RALYL: variants seen among roughly 807,000 people sequenced by gnomAD.
RALYL encodes the protein RALY RNA binding protein like, also known as RNA-binding Raly-like protein.
A neutral mutation model predicts 35.1 loss-of-function variants in RALYL; 29 were observed. That is an observed-to-expected ratio of 0.83 (90% CI 0.61 to 1.13). The LOEUF (loss-of-function observed/expected upper bound fraction) is 1.13, where lower values mean the gene tolerates loss of function less well. Ranked by LOEUF, RALYL falls within the 50% of genes most tolerant of loss-of-function variation. RALYL has a pLI of 0.00. For synonymous variants in RALYL, 120 were observed against 127.6 expected, an observed-to-expected ratio of 0.94 and a Z score of 0.40; for missense variants, 359 against 360.4, an observed-to-expected ratio of 1.00 and a Z score of 0.03.
At chr8:84,891,217 G>A (rs937175757) in intron 8 of RALYL, among the ~76,000 whole-genome samples, 15 of 152,154 alleles carry the variant, frequency 9.9e-5, no homozygotes, top group Admixed American at 6.6e-5. Flanking sequence ...AATATTGGAT[G>A]AGAGGGTGAA....
intron 2 of RALYL, among the ~76,000 whole-genome samples, chr8:84,748,795 CATG>C (rs1408343690): frequency 1.5e-4 from 23 of 152,118 alleles, no homozygotes; most frequent in African/African-American, 5.5e-4. Flanking sequence ...TTTACCAACA[CATG>C]ATGTTACTAT....
chr8:84,253,744 C>T (rs1321159337), intron 1 of RALYL, among the ~76,000 whole-genome samples: 3 of 152,048 alleles, frequency 2.0e-5, no homozygotes, highest in Admixed American at 2.0e-4. Flanking sequence ...TCTCAGTTAC[C>T]TCTGTCTGTC....
chr8:84,448,017 T>A (rs2133117544), intron 1 of RALYL, among the ~76,000 whole-genome samples: 1 of 152,116 alleles, frequency 6.6e-6, no homozygotes, highest in South Asian at 2.1e-4. Flanking sequence ...GAGCACTGCC[T>A]GGTAATCTTT....
intron 2 of RALYL, among the ~76,000 whole-genome samples, chr8:84,705,648 C>T (rs1164296579): frequency 2.6e-5 from 4 of 152,076 alleles, no homozygotes; most frequent in South Asian, 2.1e-4. Flanking sequence ...TATATAAATA[C>T]TAAACAAGGT....
chr8:84,915,539 G>T (rs76922246), intron 8 of RALYL, among the ~76,000 whole-genome samples: 76 of 152,076 alleles, frequency 5.0e-4, no homozygotes, highest in African/African-American at 1.8e-3. Context: ...TTCTAACCAC[G>T]ATTATCTACA....
chr8:84,839,477 G>A (rs1021491491), intron 4 of RALYL, among the ~76,000 whole-genome samples: 5 of 152,340 alleles, frequency 3.3e-5, no homozygotes, highest in Middle Eastern at 3.4e-3. Context: ...CAGGAAGCTC[G>A]AACTGGGTGG....
chr8:84,632,215 G>A (rs189617261), intron 2 of RALYL, among the ~76,000 whole-genome samples: 1 of 151,876 alleles, frequency 6.6e-6, no homozygotes, highest in Non-Finnish European at 1.5e-5. Context: ...GGCTTGACTT[G>A]GACCTCCCAG....
At chr8:84,578,901 A>G (rs574618738) in intron 2 of RALYL, among the ~76,000 whole-genome samples, 1 of 152,302 alleles carries the variant, frequency 6.6e-6, no homozygotes, top group South Asian at 2.1e-4. Context: ...CAGGCCCAGA[A>G]AAAGCACCAT....
chr8:84,479,237 TTCA>T (rs753982802), intron 1 of RALYL, among the ~76,000 whole-genome samples: 1 of 152,048 alleles, frequency 6.6e-6, no homozygotes, highest in Non-Finnish European at 1.5e-5. Context: ...GAAGATTCTG[TTCA>T]TCATCATTAT....
chr8:84,498,111 C>T (rs769199755), intron 1 of RALYL, among the ~76,000 whole-genome samples: 9 of 151,984 alleles, frequency 5.9e-5, no homozygotes, highest in South Asian at 2.1e-4. Flanking sequence ...TTTTTAAATT[C>T]GATTCCTTTT....
intron 2 of RALYL, among the ~76,000 whole-genome samples, chr8:84,649,267 A>G (rs1828170821): frequency 6.6e-6 from 1 of 152,102 alleles, no homozygotes. Flanking sequence ...TTTGCTGTGC[A>G]GAAGCTCTTC....
At chr8:84,670,886 A>G (rs1833077417) in intron 2 of RALYL, among the ~76,000 whole-genome samples, 1 of 152,184 alleles carries the variant, frequency 6.6e-6, no homozygotes, top group African/African-American at 2.4e-5. Flanking sequence ...AAAACGAATC[A>G]TGCCTTCCCA....
Position 84,271,254 on chromosome 8 carries a change from C to T in RALYL, c.-24+86830C>T, listed in dbSNP as rs144520125. ...GGGAAAAATATTTGAATAGACCTAA[C>T]AAAAATATACAAATGGCAAACAAGC... On this transcript the variant is annotated intron_variant, in intron 1 of 8. Transcript: ENST00000521268. Among the ~76,000 whole-genome samples the T allele has an allele frequency of 6.5e-3, 976 of 151,104 alleles. 9 individuals carry two copies. The highest frequency in any genetic ancestry group is 0.015 in the East Asian group (79 of 5,158).
chr8:84,229,300 T>C (rs1350111009), intron 1 of RALYL, among the ~76,000 whole-genome samples: 8 of 152,164 alleles, frequency 5.3e-5, no homozygotes, highest in Non-Finnish European at 2.9e-5. Context: ...TCTCTGAGTC[T>C]TCATAAGAAA....
chr8:84,481,554 A>C (rs1587675757), intron 1 of RALYL, among the ~76,000 whole-genome samples: 1 of 152,294 alleles, frequency 6.6e-6, no homozygotes, highest in East Asian at 1.9e-4. Flanking sequence ...TTTAAATATA[A>C]TTTCAACTTA....
chr8:84,671,808 G>A (rs1166619636), intron 2 of RALYL, among the ~76,000 whole-genome samples: 1 of 152,194 alleles, frequency 6.6e-6, no homozygotes, highest in Admixed American at 6.5e-5. Context: ...GCTGCTGGAA[G>A]GTCTTTGACA....
chr8:84,802,009 T>G (rs1009858558), intron 3 of RALYL, among the ~76,000 whole-genome samples: 1 of 152,184 alleles, frequency 6.6e-6, no homozygotes, highest in African/African-American at 2.4e-5. Flanking sequence ...TGTTTCCAAT[T>G]CCTTCCAACA....
intron 4 of RALYL, among the ~76,000 whole-genome samples, chr8:84,805,504 T>A (rs972283432): frequency 3.3e-5 from 5 of 152,114 alleles, no homozygotes; most frequent in Non-Finnish European, 7.4e-5. Flanking sequence ...GCCAACATGG[T>A]GAAACTCTGT....
At chr8:84,621,446 T>G (rs1821441894) in intron 2 of RALYL, among the ~76,000 whole-genome samples, 1 of 152,204 alleles carries the variant, frequency 6.6e-6, no homozygotes, top group Non-Finnish European at 1.5e-5. Context: ...TGCCTCACCC[T>G]GCTTCGGCTG....
Sources: gnomAD v4.1 joint callset for allele counts (sites outside exome capture counted in the v4.1 genomes callset) on GRCh38, gnomAD v4.1.1 for gene constraint, MANE v1.5 for transcripts, NCBI Gene and HGNC (gene_info 2026-07-23, HGNC 2026-07-21) for gene names.